Variants in FOXJ3 observed in about 807,000 individuals in gnomAD.
FOXJ3 encodes the protein forkhead box protein J3.
Under a neutral mutation model 76.1 loss-of-function variants are expected in FOXJ3, and 22 were observed. The observed-to-expected ratio is 0.29, with a 90% CI of 0.21 to 0.41. The LOEUF (loss-of-function observed/expected upper bound fraction) is 0.41, where lower values mean the gene tolerates loss of function less well. Among genes scored for constraint, FOXJ3 ranks in the 10% least tolerant of loss-of-function variants. The probability of loss-of-function intolerance (pLI) is 1.00; values close to 1 mark genes in which losing one functional copy is unlikely to be tolerated. For synonymous variants in FOXJ3, 269 were observed against 261.2 expected, an observed-to-expected ratio of 1.03 and a Z score of -0.29; for missense variants, 613 against 762.1, an observed-to-expected ratio of 0.80 and a Z score of 2.30.
chr1:42,279,426 G>A (rs1652532821), intron 2 of FOXJ3, among the ~76,000 whole-genome samples: 1 of 152,082 alleles, frequency 6.6e-6, no homozygotes, highest in African/African-American at 2.4e-5. Context: ...AGAATCTAAG[G>A]CATTAAATCA....
intron 8 of FOXJ3, among the ~76,000 whole-genome samples, chr1:42,192,920 A>AT (rs1291132092): frequency 6.6e-6 from 1 of 152,172 alleles, no homozygotes; most frequent in Non-Finnish European, 1.5e-5. Flanking sequence ...AGAGTTAATA[A>AT]AAGTTCTTGC....
At chr1:42,199,961 C>T (rs887857366) in intron 6 of FOXJ3, among the ~76,000 whole-genome samples, 1 of 126,992 alleles carries the variant, frequency 7.9e-6, no homozygotes, top group African/African-American at 3.0e-5. Context: ...GAGCCAAGAT[C>T]ACGCCACTGC....
At chr1:42,286,350 T>C (rs1653053554) in intron 2 of FOXJ3, among the ~76,000 whole-genome samples, 1 of 152,308 alleles carries the variant, frequency 6.6e-6, no homozygotes, top group Middle Eastern at 3.4e-3. Context: ...GGAAAAGACA[T>C]GGCTTTGTGA....
chr1:42,314,394 G>A (rs1272101016), intron 1 of FOXJ3, among the ~76,000 whole-genome samples: 1 of 152,188 alleles, frequency 6.6e-6, no homozygotes, highest in Non-Finnish European at 1.5e-5. Flanking sequence ...AGGATTACAG[G>A]CATGCACCAC....
intron 1 of FOXJ3, among the ~76,000 whole-genome samples, chr1:42,318,041 CT>C (rs1655225123): frequency 1.3e-5 from 2 of 152,102 alleles, no homozygotes; most frequent in Non-Finnish European, 2.9e-5. Flanking sequence ...AAACCAGATT[CT>C]TCAAAAATTG....
chr1:42,314,702 C>G (rs1655007655), intron 1 of FOXJ3, among the ~76,000 whole-genome samples: 1 of 152,332 alleles, frequency 6.6e-6, no homozygotes, highest in African/African-American at 2.4e-5. Context: ...ACTCATTTGG[C>G]TCTTAAACCT....
intron 4 of FOXJ3, among the ~76,000 whole-genome samples, chr1:42,257,374 C>T (rs978165202): frequency 2.0e-5 from 3 of 152,010 alleles, no homozygotes; most frequent in Non-Finnish European, 2.9e-5. Flanking sequence ...CAAATACCAG[C>T]AATTCATAAA....
chr1:42,180,207 T>C (rs1646290610), intron 12 of FOXJ3, among the ~76,000 whole-genome samples: 1 of 152,192 alleles, frequency 6.6e-6, no homozygotes, highest in Non-Finnish European at 1.5e-5. Context: ...CCCATGAGAA[T>C]GGTAAACAGG....
chr1:42,197,239 A>AT (rs1400034966), intron 7 of FOXJ3, among the ~76,000 whole-genome samples: 1 of 152,116 alleles, frequency 6.6e-6, no homozygotes, highest in Non-Finnish European at 1.5e-5. Flanking sequence ...ATGGTGGCTC[A>AT]TGCCTGTAAT....
At chr1:42,252,200 A>T (rs569313988) in intron 4 of FOXJ3, among the ~76,000 whole-genome samples, 13 of 152,234 alleles carry the variant, frequency 8.5e-5, no homozygotes, top group East Asian at 5.8e-4. Flanking sequence ...AAGGAATGGT[A>T]CCAGTTCCTC....
At chr1:42,239,006 G>A (rs1053070391) in intron 4 of FOXJ3, among the ~76,000 whole-genome samples, 13 of 152,068 alleles carry the variant, frequency 8.5e-5, no homozygotes, top group Admixed American at 7.9e-4. Context: ...CAGTGAACAG[G>A]TCAACATGTA....
intron 6 of FOXJ3, among the ~76,000 whole-genome samples, chr1:42,203,832 C>T (rs1354388699): frequency 6.6e-6 from 1 of 151,876 alleles, no homozygotes; most frequent in African/African-American, 2.4e-5. Context: ...CCCATCTCTA[C>T]TAAAAACACA....
At chr1:42,237,419 T>C (rs1648754391) in intron 4 of FOXJ3, among the ~76,000 whole-genome samples, 1 of 146,860 alleles carries the variant, frequency 6.8e-6, no homozygotes, top group Non-Finnish European at 1.5e-5. Context: ...TATATATATA[T>C]ATATATATAC....
chr1:42,259,641 C>G (rs1255746437), intron 4 of FOXJ3, among the ~76,000 whole-genome samples: 1 of 152,220 alleles, frequency 6.6e-6, no homozygotes, highest in Non-Finnish European at 1.5e-5. Flanking sequence ...TTCTAATCTT[C>G]TGAATACCTT....
intron 2 of FOXJ3, among the ~76,000 whole-genome samples, chr1:42,306,898 G>A (rs1654506948): frequency 1.3e-5 from 2 of 152,046 alleles, no homozygotes; most frequent in Admixed American, 1.3e-4. Flanking sequence ...GCAGTCTGTT[G>A]GAACAAGGAT....
In FOXJ3 at chr1:42,191,556, T is replaced by G. The variant is rs1352557812; in HGVS notation, c.1098A>C (p.Ala366=). Residue 366 remains alanine, a synonymous_variant, in exon 9 of 13, where the codon GCA becomes GCC. Coordinates refer to ENST00000361346, the MANE Select transcript of FOXJ3 (RefSeq NM_014947.5). ...TCTGGGGGTGAGACAGTGAGACCTG[T>G]GCAACCGAATTACTGCCTGTGGTGT... is the stretch of plus-strand genomic sequence containing the variant. ...GLNTTGSNSV[A]QVSLSHPQMH... 1 of 1,614,158 alleles carries G rather than the reference T, an allele frequency of 6.2e-7. No individual in the cohort carries two copies. Among genetic ancestry groups the G allele is most frequent in the Non-Finnish European group, 8.5e-7 (1 of 1,180,026 alleles).
chr1:42,328,675 T>C (rs1655981762), intron 1 of FOXJ3, among the ~76,000 whole-genome samples: 1 of 128,800 alleles, frequency 7.8e-6, no homozygotes, highest in Admixed American at 8.9e-5. Context: ...ATACTTATCC[T>C]ATTTTTTTTT....
intron 2 of FOXJ3, among the ~76,000 whole-genome samples, chr1:42,287,963 C>T (rs1165960990): frequency 1.3e-5 from 2 of 151,814 alleles, no homozygotes; most frequent in Non-Finnish European, 2.9e-5. Flanking sequence ...GAGACCCTGT[C>T]ACAAAAAAAT....
chr1:42,184,565 C>T (rs1646395906), intron 11 of FOXJ3, among the ~76,000 whole-genome samples: 1 of 152,060 alleles, frequency 6.6e-6, no homozygotes. Flanking sequence ...CCAAAGATTT[C>T]AGGCACTGCT....
Sources: allele counts gnomAD v4.1 joint callset (sites outside exome capture counted in the v4.1 genomes callset), GRCh38; gene constraint gnomAD v4.1.1; transcripts MANE v1.5; gene names NCBI Gene and HGNC (gene_info 2026-07-23, HGNC 2026-07-21).